Variants in NCAM2 observed in about 807,000 individuals in gnomAD.
NCAM2 encodes the protein neural cell adhesion molecule 2.
NCAM2 carries 30 observed loss-of-function variants against 98.1 expected under a neutral mutation model. That is an observed-to-expected ratio of 0.31 (90% CI 0.23 to 0.41). NCAM2 has a LOEUF of 0.41. Among genes scored for constraint, NCAM2 ranks in the 10% least tolerant of loss-of-function variants. NCAM2 has a pLI of 1.00. For missense variants in NCAM2, 867 were observed against 1,005.8 expected (o/e 0.86, Z 1.87); for synonymous variants, 368 against 342.4 (o/e 1.07, Z -0.83).
chr21:21,204,780 A>G (rs1393195352), intron 1 of NCAM2, among the ~76,000 whole-genome samples: 1 of 152,172 alleles, frequency 6.6e-6, no homozygotes, highest in Non-Finnish European at 1.5e-5. Flanking sequence ...ATATCATTGC[A>G]TATGGCCATC....
In NCAM2 at chr21:21,264,682, TATACACACACATAC is replaced by T. The variant is rs569409959; in HGVS notation, c.56-15879_56-15866del. Among the ~76,000 whole-genome samples the T allele has an allele frequency of 1.4e-3, 214 of 150,224 alleles. 6 individuals carry two copies. The South Asian group carries it at 0.043, about 30-fold the overall frequency. On this transcript the variant is annotated intron_variant, in intron 1 of 17. Coordinates refer to ENST00000400546, the MANE Select transcript of NCAM2 (RefSeq NM_004540.5). ...ATATATATATACACACACACACATA[TATACACACACATAC>T]ATACACACACATACATCATTTTGTT...
intron 1 of NCAM2, among the ~76,000 whole-genome samples, chr21:21,006,095 T>G (rs1022844818): frequency 6.6e-6 from 1 of 152,188 alleles, no homozygotes; most frequent in African/African-American, 2.4e-5. Flanking sequence ...TCAAAGAGCA[T>G]TAAATACATT....
rs1990162937 is a variant in NCAM2, at chr21:21,539,938, T to C, written c.*1981T>C. ...TGTTGTTTGTTTTGTTTTGTACCAG[T>C]GTACTAAAACTAGTCAAAATACTTG... is the stretch of plus-strand genomic sequence containing the variant. On this transcript the variant is annotated 3_prime_UTR_variant, in exon 18 of 18. Transcript: ENST00000400546. The C allele has an allele frequency of 1.3e-5, 2 of 152,172 alleles. No homozygotes were observed. Among genetic ancestry groups the C allele is most frequent in the Non-Finnish European group, 2.9e-5 (2 of 68,026 alleles). 9.4% of individuals were successfully genotyped at this position (152,172 alleles called of 1,614,324 possible).
chr21:21,135,200 T>C (rs2156369), intron 1 of NCAM2, among the ~76,000 whole-genome samples: 64,200 of 146,230 alleles, frequency 0.44, 14,362 homozygotes, highest in African/African-American at 0.57. Context: ...GAGCCAAGAT[T>C]GCGCCACTGC....
intron 9 of NCAM2, among the ~76,000 whole-genome samples, chr21:21,396,464 A>C (rs1033186295): frequency 3.3e-5 from 5 of 152,172 alleles, no homozygotes; most frequent in African/African-American, 1.2e-4. Flanking sequence ...TGCCAGCCAG[A>C]AACTTCTGTG....
intron 9 of NCAM2, among the ~76,000 whole-genome samples, chr21:21,393,130 T>G (rs528975895): frequency 6.6e-6 from 1 of 152,286 alleles, no homozygotes; most frequent in African/African-American, 2.4e-5. Flanking sequence ...GTATACAGTA[T>G]AAGGAAGGGG....
At chr21:21,108,127 G>A (rs548512182) in intron 1 of NCAM2, among the ~76,000 whole-genome samples, 2 of 151,792 alleles carry the variant, frequency 1.3e-5, no homozygotes, top group Admixed American at 6.6e-5. Flanking sequence ...TATAGTTTTT[G>A]TGTGTATTAT....
chr21:21,210,234 G>A (rs917818854), intron 1 of NCAM2, among the ~76,000 whole-genome samples: 1 of 152,216 alleles, frequency 6.6e-6, no homozygotes, highest in South Asian at 2.1e-4. Flanking sequence ...GCTAAATATT[G>A]CCTCTTTTGT....
chr21:21,380,514 G>A (rs541363166), intron 9 of NCAM2, among the ~76,000 whole-genome samples: 3 of 151,732 alleles, frequency 2.0e-5, no homozygotes, highest in African/African-American at 7.2e-5. Flanking sequence ...ATCATGTGTG[G>A]GTCGGGCTGT....
chr21:21,520,056 G>C (rs1010791138), intron 16 of NCAM2, among the ~76,000 whole-genome samples: 1 of 151,804 alleles, frequency 6.6e-6, no homozygotes, highest in Non-Finnish European at 1.5e-5. Flanking sequence ...ACATTCTCAA[G>C]GGTTTTTCTT....
intron 9 of NCAM2, among the ~76,000 whole-genome samples, chr21:21,394,612 C>A (rs976447054): frequency 6.6e-6 from 1 of 150,792 alleles, no homozygotes; most frequent in Non-Finnish European, 1.5e-5. Flanking sequence ...CCTCAGCCTC[C>A]AGAGTAGCTG....
chr21:21,504,038 T>C (rs139962495), intron 15 of NCAM2, among the ~76,000 whole-genome samples: 1 of 151,958 alleles, frequency 6.6e-6, no homozygotes, highest in Non-Finnish European at 1.5e-5. Flanking sequence ...ATTAAAGGTA[T>C]ATGGATATTG....
At chr21:21,142,554 T>C (rs2067192960) in intron 1 of NCAM2, among the ~76,000 whole-genome samples, 1 of 149,202 alleles carries the variant, frequency 6.7e-6, no homozygotes, top group Non-Finnish European at 1.5e-5. Flanking sequence ...AATTTTTTTG[T>C]ATTTTTGAAA....
chr21:21,107,180 C>A (rs1366670044), intron 1 of NCAM2, among the ~76,000 whole-genome samples: 1 of 152,084 alleles, frequency 6.6e-6, no homozygotes, highest in Non-Finnish European at 1.5e-5. Context: ...ATCCTGTTTA[C>A]ATTTCACATG....
chr21:21,475,585 T>G (rs1477823493), intron 14 of NCAM2, among the ~76,000 whole-genome samples: 2 of 152,184 alleles, frequency 1.3e-5, no homozygotes, highest in African/African-American at 4.8e-5. Flanking sequence ...GTCCATTGAT[T>G]AACTTAGAAA....
rs1328295701 is a variant in NCAM2 at position 21,541,728 on chromosome 21, A to T, written c.*3771A>T. The stretch of plus-strand genomic sequence containing the variant: ...ATATTTTCCATTAGTTAATTTAGGA[A>T]ATATTGGAATAGCATATTATAATTA... On this transcript the variant is annotated 3_prime_UTR_variant, in exon 18 of 18. Coordinates refer to ENST00000400546, the MANE Select transcript of NCAM2 (RefSeq NM_004540.5). 1 of 151,798 alleles carries T rather than the reference A, an allele frequency of 6.6e-6. No homozygotes were observed. Among genetic ancestry groups the T allele is most frequent in the Non-Finnish European group, 1.5e-5 (1 of 67,770 alleles). The allele number at this position is 151,798 out of a possible 1,614,324, so 9.4% of individuals were successfully genotyped here. A position where few individuals can be genotyped will look rare whatever the true frequency, so the allele number is the denominator to read the frequency against.
At chr21:21,507,515 T>C (rs1212634929) in intron 15 of NCAM2, among the ~76,000 whole-genome samples, 15 of 152,056 alleles carry the variant, frequency 9.9e-5, no homozygotes, top group South Asian at 2.1e-4. Context: ...TAAACTGGGC[T>C]AGGCACGGTG....
intron 5 of NCAM2, among the ~76,000 whole-genome samples, chr21:21,310,391 A>T (rs2074008299): frequency 6.6e-6 from 1 of 152,186 alleles, no homozygotes; most frequent in South Asian, 2.1e-4. Flanking sequence ...GACAAACAGT[A>T]GGAAGTGAAG....
At chr21:21,035,264 T>C (rs1298220617) in intron 1 of NCAM2, among the ~76,000 whole-genome samples, 1 of 152,144 alleles carries the variant, frequency 6.6e-6, no homozygotes, top group Non-Finnish European at 1.5e-5. Context: ...AAATAACTGG[T>C]ATTTCCAATT....
Sources: gnomAD v4.1 joint callset for allele counts (sites outside exome capture counted in the v4.1 genomes callset) on GRCh38, gnomAD v4.1.1 for gene constraint, MANE v1.5 for transcripts, NCBI Gene and HGNC (gene_info 2026-07-23, HGNC 2026-07-21) for gene names.